The following SLC23A2 variants were observed in gnomAD, a reference collection of about 807,000 sequenced individuals.
SLC23A2 encodes the protein solute carrier family 23 member 2, also known as Na(+)/L-ascorbic acid transporter 2.
SLC23A2 carries 36 observed loss-of-function variants against 73.3 expected under a neutral mutation model. The observed-to-expected ratio is 0.49, with a 90% CI of 0.38 to 0.65. The LOEUF is 0.65. Ranked by LOEUF, SLC23A2 falls within the 30% of genes least tolerant of loss-of-function variation. SLC23A2 has a pLI of 0.00. For synonymous variants in SLC23A2, 343 were observed against 327.3 expected (o/e 1.05, Z -0.52); for missense variants, 507 against 841.6 (o/e 0.60, Z 4.92).
intron 6 of SLC23A2, among the ~76,000 whole-genome samples, chr20:4,889,587 C>T (rs1388582765): frequency 1.3e-5 from 2 of 151,272 alleles, no homozygotes; most frequent in African/African-American, 4.9e-5. Flanking sequence ...CCTTTGGCAT[C>T]CGCTCACATG....
rs946764933 is a variant in SLC23A2 at position 4,854,499 on chromosome 20, A to G, written c.*2473T>C. 1 of 152,242 alleles carries G rather than the reference A, an allele frequency of 6.6e-6. No homozygotes were observed. Among genetic ancestry groups the G allele is most frequent in the African/African-American group, 2.4e-5 (1 of 41,398 alleles). The allele number at this position is 152,242 out of a possible 1,614,324, so 9.4% of individuals were successfully genotyped here. A position where few individuals can be genotyped will look rare whatever the true frequency, so the allele number is the denominator to read the frequency against. ...AGTACCAGATTCAGCAGGGGCATCT[A>G]GTCAGGCTGCCCTCTTTGCTCCCCA... On this transcript the variant is annotated 3_prime_UTR_variant, in exon 17 of 17. Transcript: ENST00000338244.
chr20:4,889,814 G>C (rs1433993242), intron 6 of SLC23A2, among the ~76,000 whole-genome samples: 2 of 151,972 alleles, frequency 1.3e-5, no homozygotes, highest in Non-Finnish European at 2.9e-5. Flanking sequence ...TGAAATGAAG[G>C]AGCTATTTAT....
intron 2 of SLC23A2, among the ~76,000 whole-genome samples, chr20:4,933,697 T>A (rs1159983309): frequency 1.3e-5 from 2 of 151,928 alleles, no homozygotes; most frequent in African/African-American, 4.8e-5. Flanking sequence ...TACAATGAAA[T>A]ATGCCTAGCT....
At chr20:4,934,228 T>G (rs1158177921) in intron 2 of SLC23A2, among the ~76,000 whole-genome samples, 1 of 152,194 alleles carries the variant, frequency 6.6e-6, no homozygotes, top group African/African-American at 2.4e-5. Context: ...AGAGTAATTT[T>G]GCCCTGCAGG....
intron 2 of SLC23A2, among the ~76,000 whole-genome samples, chr20:4,964,206 G>A (rs2087437514): frequency 6.6e-6 from 1 of 151,858 alleles, no homozygotes; most frequent in Non-Finnish European, 1.5e-5. Context: ...CGTTGCCCTG[G>A]CTGGTCTTGA....
chr20:4,941,291 G>A (rs964295891), intron 2 of SLC23A2, among the ~76,000 whole-genome samples: 2 of 152,118 alleles, frequency 1.3e-5, no homozygotes, highest in African/African-American at 4.8e-5. Context: ...ACTCTGGGAG[G>A]CTAAGAGTGG....
At chr20:4,964,941 G>A in intron 2 of SLC23A2, among the ~76,000 whole-genome samples, 1 of 151,126 alleles carries the variant, frequency 6.6e-6, no homozygotes, top group Non-Finnish European at 1.5e-5. Context: ...CACCAAAATA[G>A]TACATGATTA....
At chr20:4,894,401 T>C (rs927830047) in intron 6 of SLC23A2, among the ~76,000 whole-genome samples, 1 of 152,148 alleles carries the variant, frequency 6.6e-6, no homozygotes, top group South Asian at 2.1e-4. Context: ...CAACGGCCCC[T>C]GGAAGAAAAG....
At chr20:4,861,154 C>T (rs1173701873) in intron 15 of SLC23A2, among the ~76,000 whole-genome samples, 1 of 152,146 alleles carries the variant, frequency 6.6e-6, no homozygotes, top group Non-Finnish European at 1.5e-5. Context: ...TCTATTTATA[C>T]CTAGAATAGA....
chr20:4,891,903 A>G (rs1293498333), intron 6 of SLC23A2, among the ~76,000 whole-genome samples: 1 of 151,270 alleles, frequency 6.6e-6, no homozygotes, highest in Non-Finnish European at 1.5e-5. Flanking sequence ...GGTGTGCACC[A>G]CCACACCTGG....
At chr20:4,866,882 T>C (rs1281895705) in intron 13 of SLC23A2, among the ~76,000 whole-genome samples, 1 of 152,026 alleles carries the variant, frequency 6.6e-6, no homozygotes, top group African/African-American at 2.4e-5. Context: ...CTGTGAGACG[T>C]AGGCCATCGA....
Position 4,871,384 on chromosome 20 carries a change from C to T in SLC23A2, c.1103-1331G>A, listed in dbSNP as rs374624881. Reference sequence around the variant, plus strand: ...GAAGGATCTGAGGAGGAGGTGGGAACGGAGGTGCCCCTCCAGGGATCGGGA... The same window carrying T: ...GAAGGATCTGAGGAGGAGGTGGGAATGGAGGTGCCCCTCCAGGGATCGGGA... On this transcript the variant is annotated intron_variant, in intron 11 of 16. Coordinates refer to ENST00000338244, the MANE Select transcript of SLC23A2 (RefSeq NM_005116.6). 3.2e-4 allele frequency among the ~76,000 whole-genome samples: 49 copies of T among 152,112 alleles called. 1 individual carries two copies. The South Asian group carries it at 7.1e-3, about 22-fold the overall frequency.
chr20:5,007,557 C>A (rs1216484649), intron 1 of SLC23A2, among the ~76,000 whole-genome samples: 1 of 152,080 alleles, frequency 6.6e-6, no homozygotes, highest in Non-Finnish European at 1.5e-5. Context: ...AAAAAGTAAA[C>A]AATTGTAAAG....
intron 3 of SLC23A2, among the ~76,000 whole-genome samples, chr20:4,931,077 A>G (rs1052604984): frequency 3.2e-5 from 4 of 123,982 alleles, no homozygotes; most frequent in African/African-American, 1.2e-4. Flanking sequence ...AGAAAAAAAA[A>G]AAAAAAAAAA....
rs547492419 is a variant in SLC23A2 at position 4,896,029 on chromosome 20, C to T, written c.482+3526G>A. On this transcript the variant is annotated intron_variant, in intron 6 of 16. Coordinates refer to ENST00000338244, the MANE Select transcript of SLC23A2 (RefSeq NM_005116.6). ...GACAAGGTAGCCTGGCCTCGTCTGG[C>T]CTAGCGCAAAGATGGGAACAGGAAG... Among the ~76,000 whole-genome samples, 18 of 152,244 alleles carry T rather than the reference C, an allele frequency of 1.2e-4. No individual in the cohort carries two copies. The East Asian group carries it at 3.3e-3, about 28-fold the overall frequency.
intron 1 of SLC23A2, among the ~76,000 whole-genome samples, chr20:4,984,427 G>A (rs565062300): frequency 3.3e-5 from 5 of 152,040 alleles, no homozygotes; most frequent in East Asian, 1.9e-4. Flanking sequence ...GGTGGTGGGC[G>A]CCTGTAGTCC....
intron 3 of SLC23A2, among the ~76,000 whole-genome samples, chr20:4,919,737 C>T (rs868652381): frequency 5.3e-5 from 8 of 152,126 alleles, no homozygotes; most frequent in African/African-American, 1.4e-4. Flanking sequence ...CCTGAGGCCA[C>T]GCAGCACATT....
At chr20:4,895,580 C>T (rs1263108971) in intron 6 of SLC23A2, among the ~76,000 whole-genome samples, 3 of 152,148 alleles carry the variant, frequency 2.0e-5, no homozygotes, top group African/African-American at 7.2e-5. Flanking sequence ...CCCAGGACAC[C>T]TGAGGGAGAA....
upstream of SLC23A2, among the ~76,000 whole-genome samples, chr20:5,003,250 G>A (rs1462562314): frequency 2.0e-5 from 3 of 152,132 alleles, no homozygotes; most frequent in African/African-American, 4.8e-5. Flanking sequence ...CGGGCGTGGT[G>A]GCGGGCGCCT....
Sources: allele counts gnomAD v4.1 joint callset (sites outside exome capture counted in the v4.1 genomes callset), GRCh38; gene constraint gnomAD v4.1.1; transcripts MANE v1.5; gene names NCBI Gene and HGNC (gene_info 2026-07-23, HGNC 2026-07-21).